Variants in WDR48 observed in about 807,000 individuals in gnomAD.
WDR48 encodes WD repeat domain 48, also known as WD repeat-containing protein 48.
In WDR48, 22 loss-of-function variants were observed where a neutral mutation model predicts 94.0. The ratio of observed to expected loss-of-function variants is 0.23; its 90% CI spans 0.17 to 0.33. WDR48 has a LOEUF of 0.33. WDR48 is among the 10% of genes least tolerant of loss of function. The pLI, the probability that WDR48 is intolerant of heterozygous loss-of-function variation, is 1.00. For missense variants in WDR48, 541 were observed against 813.8 expected, an observed-to-expected ratio of 0.66 and a Z score of 4.08; for synonymous variants, 278 against 280.5, an observed-to-expected ratio of 0.99 and a Z score of 0.09.
At chr3:39,056,180 T>C (rs1194385928) in intron 1 of WDR48, among the ~76,000 whole-genome samples, 1 of 152,240 alleles carries the variant, frequency 6.6e-6, no homozygotes, top group Non-Finnish European at 1.5e-5. Context: ...CATTTCCTTA[T>C]TGAAGATATT....
At chr3:39,075,229 G>A (rs945214554) in intron 8 of WDR48, among the ~76,000 whole-genome samples, 7 of 137,704 alleles carry the variant, frequency 5.1e-5, no homozygotes, top group South Asian at 2.2e-4. Context: ...TTTGTAAGTC[G>A]CCTATAGAAG....
chr3:39,080,287 T>C (rs1396734106), intron 11 of WDR48, among the ~76,000 whole-genome samples: 2 of 152,216 alleles, frequency 1.3e-5, no homozygotes, highest in East Asian at 3.8e-4. Context: ...AAAATCACCC[T>C]AGATGAGACA....
At chr3:39,094,412 C>T in intron 18 of WDR48, 1 of 1,519,196 alleles carries the variant, frequency 6.6e-7, no homozygotes, top group Non-Finnish European at 8.8e-7. Context: ...CAAAACGTAT[C>T]CTCAGAGGAA....
At chr3:39,054,164 G>T (rs896481049) in intron 1 of WDR48, among the ~76,000 whole-genome samples, 2 of 152,196 alleles carry the variant, frequency 1.3e-5, no homozygotes, top group African/African-American at 4.8e-5. Context: ...CGTGTTCATT[G>T]TAAAAATCCC....
At chr3:39,065,790 G>A in intron 2 of WDR48, 21 bp from the exon 3 acceptor site, 1 of 1,548,172 alleles carries the variant, frequency 6.5e-7, no homozygotes, top group Non-Finnish European at 8.8e-7. Flanking sequence ...TAAACTCTTA[G>A]GATTTTTCTT....
In WDR48 at chr3:39,092,632, A is replaced by C. The variant is rs943166233; in HGVS notation, c.1745+931A>C. 3.3e-5 allele frequency among the ~76,000 whole-genome samples: 5 copies of C among 152,356 alleles called. No homozygotes were observed. The East Asian group carries it at 9.6e-4, about 29-fold the overall frequency. ...TTTGAGCCAATGTGGGATATGGTCCAGGGAGACCCAAGAGAAGAATTTTAG... is the reference window on the plus strand; with the variant it reads ...TTTGAGCCAATGTGGGATATGGTCCCGGGAGACCCAAGAGAAGAATTTTAG... On this transcript the variant is annotated intron_variant, in intron 17 of 18. Coordinates refer to ENST00000302313, the MANE Select transcript of WDR48 (RefSeq NM_020839.4).
At chr3:39,058,341 C>G (rs752410838) in intron 1 of WDR48, among the ~76,000 whole-genome samples, 19 of 152,216 alleles carry the variant, frequency 1.2e-4, no homozygotes, top group Non-Finnish European at 2.8e-4. Flanking sequence ...TAGGATACTT[C>G]TAATTCTTTT....
In WDR48 at chr3:39,084,214, T is replaced by G; in HGVS notation, c.1233T>G (p.Phe411Leu). The G allele has an allele frequency of 6.2e-7, 1 of 1,612,820 alleles. No homozygotes were observed. The highest frequency in any genetic ancestry group is 8.5e-7 in the Non-Finnish European group (1 of 1,179,236). Residue 411 changes from phenylalanine to leucine, a missense_variant, in exon 12 of 19, where the codon TTT becomes TTG. Phe to Leu is a conservative substitution (Grantham distance 22). This residue lies in a region of WDR48 where 238 missense variants were observed against 285.3 expected (regional missense o/e 0.83). Coordinates refer to ENST00000302313, the MANE Select transcript of WDR48 (RefSeq NM_020839.4). ...VDFEDEIKKRFKMVYVPNWFS... is the reference protein window; with the variant it reads ...VDFEDEIKKRLKMVYVPNWFS... ...TTGAAGATGAAATTAAGAAAAGATTTAAAATGGTGTATGTGCCAAATTGGT... is the reference window on the plus strand; with the variant it reads ...TTGAAGATGAAATTAAGAAAAGATTGAAAATGGTGTATGTGCCAAATTGGT...
intron 16 of WDR48, chr3:39,090,522 C>A (rs2035026387): frequency 1.3e-5 from 2 of 152,136 alleles, no homozygotes; most frequent in East Asian, 3.8e-4. Context: ...CTCCTATATT[C>A]TCTTCTAGTT....
At position 39,094,742 on chromosome 3, in the gene WDR48, G is replaced by C. The variant is rs1355420624; in HGVS notation, c.2033G>C (p.Ter678SerextTer4). The C allele has an allele frequency of 6.2e-7, 1 of 1,614,158 alleles. No individual in the cohort carries two copies. The highest frequency in any genetic ancestry group is 2.2e-5 in the East Asian group (1 of 44,884). Residue 678 changes from the stop codon to serine, a stop_lost, in exon 19 of 19, where the codon TGA (stop) becomes TCA (serine). Coordinates refer to ENST00000302313, the MANE Select transcript of WDR48 (RefSeq NM_020839.4). The part of the protein sequence containing the change: ...LTLHYRQKST[*>S] ...CTCCATTACCGTCAGAAGTCCACGT[G>C]AAGGCTGGGCTAATGCTCCTGGATA... is the stretch of plus-strand genomic sequence containing the variant.
chr3:39,085,120 G>C (rs1011427182), intron 13 of WDR48, among the ~76,000 whole-genome samples: 2 of 152,036 alleles, frequency 1.3e-5, no homozygotes, highest in Admixed American at 6.6e-5. Context: ...CCAGCTATTC[G>C]GGAGGCTGAG....
chr3:39,087,978 CTTG>C, intron 14 of WDR48, 147 bp from the exon 15 acceptor site: 1 of 659,690 alleles, frequency 1.5e-6, no homozygotes, highest in Non-Finnish European at 2.5e-6. Flanking sequence ...AGAAATTTAA[CTTG>C]TTTTTAACCT....
At chr3:39,079,319 TC>T (rs1392656503) in intron 10 of WDR48, among the ~76,000 whole-genome samples, 1 of 152,218 alleles carries the variant, frequency 6.6e-6, no homozygotes, top group Non-Finnish European at 1.5e-5. Flanking sequence ...TTTAGAATAT[TC>T]ATTCAGGAAG....
chr3:39,059,070 G>A (rs538575615), intron 1 of WDR48, among the ~76,000 whole-genome samples: 115 of 114,458 alleles, frequency 1.0e-3, no homozygotes, highest in African/African-American at 4.8e-3. Flanking sequence ...GTGAGACTCC[G>A]TCTCAAAAAA....
chr3:39,065,850 T>A lies in WDR48; in HGVS notation c.229T>A (p.Trp77Arg). The change falls in exon 3 of 19, where the codon TGG (tryptophan) becomes AGG (arginine). Residue 77 changes from tryptophan (W) to arginine (R), a missense_variant. By Grantham distance (101) the Trp-to-Arg change is moderately radical (BLOSUM62 -3). This residue lies in a region of WDR48 where 90 missense variants were observed against 122.3 expected (regional missense o/e 0.74). Transcript: ENST00000302313. ...YIASMEHHTDWVNDIVLCCNG... is the reference protein window; with the variant it reads ...YIASMEHHTDRVNDIVLCCNG... The stretch of plus-strand genomic sequence containing the variant: ...AGCATCTATGGAACACCATACTGAT[T>A]GGGTAAACGACATTGTACTCTGTTG... 6.2e-7 allele frequency: 1 copy of A among 1,609,084 alleles called. No individual in the cohort carries two copies. The highest frequency in any genetic ancestry group is 8.5e-7 in the Non-Finnish European group (1 of 1,178,242).
chr3:39,094,927 T>G lies in WDR48; in HGVS notation c.*184T>G. Reference sequence around the variant, plus strand: ...TAATATAGAAACCAGTCTCCATGTGTAGATTAAGCTGTCCCCAGGGAAGCA... The same window carrying G: ...TAATATAGAAACCAGTCTCCATGTGGAGATTAAGCTGTCCCCAGGGAAGCA... On this transcript the variant is annotated 3_prime_UTR_variant, in exon 19 of 19. Transcript: ENST00000302313. 2.6e-6 allele frequency: 2 copies of G among 760,996 alleles called. No homozygotes were observed. The highest frequency in any genetic ancestry group is 3.8e-5 in the South Asian group (2 of 52,632). 47.1% of individuals were successfully genotyped at this position (760,996 alleles called of 1,614,324 possible). A position where few individuals can be genotyped will look rare whatever the true frequency, so the allele number is the denominator to read the frequency against.
At chr3:39,074,031 T>G (rs988267199) in intron 7 of WDR48, among the ~76,000 whole-genome samples, 5 of 152,230 alleles carry the variant, frequency 3.3e-5, no homozygotes, top group African/African-American at 1.2e-4. Flanking sequence ...AGTTTCTGCC[T>G]TGTTAGCTCT....
chr3:39,054,235 A>G (rs12634303), intron 1 of WDR48, among the ~76,000 whole-genome samples: 15,790 of 152,152 alleles, frequency 0.1, 1,044 homozygotes, highest in East Asian at 0.22. Context: ...ACTGCGGGCA[A>G]TGTCATGTTT....
At chr3:39,062,928 G>T in intron 1 of WDR48, 122 bp from the exon 2 acceptor site, 1 of 1,261,906 alleles carries the variant, frequency 7.9e-7, no homozygotes, top group Non-Finnish European at 1.1e-6. Flanking sequence ...ATTTGTATTG[G>T]GTTGAAAAAG....
Sources: gnomAD v4.1 joint callset for allele counts (sites outside exome capture counted in the v4.1 genomes callset) on GRCh38, gnomAD v4.1.1 for gene constraint, gnomAD v4.1.1 regional missense constraint, MANE v1.5 for transcripts, NCBI Gene and HGNC (gene_info 2026-07-23, HGNC 2026-07-21) for gene names.